The following TAF1 variants were observed in gnomAD, a reference collection of about 807,000 sequenced individuals.
TAF1 encodes the protein transcription initiation factor TFIID subunit 1.
A neutral mutation model predicts 138.5 loss-of-function variants in TAF1; 2 were observed. The ratio of observed to expected loss-of-function variants is 0.01; its 90% CI spans 0.01 to 0.05. TAF1 has a LOEUF of 0.05. Among genes scored for constraint, TAF1 ranks in the 10% least tolerant of loss-of-function variants. The probability of loss-of-function intolerance (pLI) is 1.00; values close to 1 mark genes in which losing one functional copy is unlikely to be tolerated. For missense variants in TAF1, 709 were observed against 1,478.0 expected, an observed-to-expected ratio of 0.48 and a Z score of 8.53; for synonymous variants, 437 against 503.2, an observed-to-expected ratio of 0.87 and a Z score of 1.76.
In TAF1 at chrX:71,366,954, C is replaced by T. The variant is rs750697390; in HGVS notation, c.120+460C>T. ...TAGGACAATGGGGTGTTCCTAGCAC[C>T]CGAGCGGGCCTCCTGGTCACAGTGC... On this transcript the variant is annotated intron_variant, in intron 1 of 37. Coordinates refer to ENST00000423759, the MANE Select transcript of TAF1 (RefSeq NM_004606.5). 3.4e-4 allele frequency among the ~76,000 whole-genome samples: 38 copies of T among 112,113 alleles called. 1 individual carries two copies. In the South Asian group the frequency reaches 4.0e-3, roughly 12 times the overall value.
intron 24 of TAF1, among the ~76,000 whole-genome samples, chrX:71,399,446 C>T (rs1358546091): frequency 4.8e-5 from 5 of 105,177 alleles, no homozygotes; most frequent in African/African-American, 7.0e-5. Context: ...TTAGTAGAGA[C>T]GAGGTTTCAC....
At chrX:71,508,066 TTCTCTC>T (rs369650229) in intron 13 of TAF1, among the ~76,000 whole-genome samples, 2 of 83,577 alleles carry the variant, frequency 2.4e-5, no homozygotes, top group Admixed American at 1.3e-4. Flanking sequence ...TATATGAATA[TTCTCTC>T]TCTCTCTCTC....
chrX:71,429,007 G>T (rs1425418186), intron 32 of TAF1, among the ~76,000 whole-genome samples: 1 of 111,781 alleles, frequency 8.9e-6, no homozygotes, highest in South Asian at 3.7e-4. Context: ...CGGGCGCGGT[G>T]GCTCACGCCT....
chrX:71,496,453 G>A (rs1245797534), intron 13 of TAF1, among the ~76,000 whole-genome samples: 4 of 111,885 alleles, frequency 3.6e-5, no homozygotes, highest in East Asian at 2.8e-4. Context: ...AGGGTACACC[G>A]TTTTTTCTTT....
intron 32 of TAF1, among the ~76,000 whole-genome samples, chrX:71,425,731 A>G (rs936002777): frequency 2.7e-5 from 3 of 111,224 alleles, no homozygotes; most frequent in Admixed American, 1.9e-4. Flanking sequence ...AGAGCAAGGA[A>G]TAACCTGAGA....
At chrX:71,429,911 A>G (rs1443834381) in intron 32 of TAF1, among the ~76,000 whole-genome samples, 2 of 111,611 alleles carry the variant, frequency 1.8e-5, no homozygotes, top group African/African-American at 6.5e-5. Context: ...ATAAATTAGT[A>G]CAAACGTTTT....
chrX:71,472,269 A>G (rs2038904002), intron 13 of TAF1, among the ~76,000 whole-genome samples: 1 of 112,232 alleles, frequency 8.9e-6, no homozygotes, highest in South Asian at 3.7e-4. Flanking sequence ...GAATTAATTT[A>G]TCCTTATTTA....
Position 71,367,990 on chromosome X carries a change from G to A in TAF1, c.236-64G>A, listed in dbSNP as rs983834716. On this transcript the variant is annotated intron_variant, in intron 2 of 37. Coordinates refer to ENST00000423759, the MANE Select transcript of TAF1 (RefSeq NM_004606.5). ...CCAGCCTGTACATGTACTTTTAAAT[G>A]GGAATTATCTGAGGGAGTGAGGGTC... is the stretch of plus-strand genomic sequence containing the variant. 5.4e-6 allele frequency: 6 copies of A among 1,101,320 alleles called. No individual in the cohort carries two copies. In the Admixed American group the frequency reaches 8.9e-5, roughly 16 times the overall value. 90.8% of individuals were successfully genotyped at this position (1,101,320 alleles called of 1,213,427 possible). A position where few individuals can be genotyped will look rare whatever the true frequency, so the allele number is the denominator to read the frequency against.
intron 13 of TAF1, among the ~76,000 whole-genome samples, chrX:71,518,696 T>TC (rs1379559928): frequency 2.2e-5 from 2 of 91,875 alleles, no homozygotes; most frequent in African/African-American, 8.0e-5. Context: ...TTCTTTCTTT[T>TC]TTTTTTTTTT....
chrX:71,506,207 A>C (rs1042818955), intron 13 of TAF1, among the ~76,000 whole-genome samples: 1 of 106,957 alleles, frequency 9.3e-6, no homozygotes, highest in Non-Finnish European at 1.9e-5. Context: ...TCTCAAAATA[A>C]ATAAATAAAT....
intron 32 of TAF1, among the ~76,000 whole-genome samples, chrX:71,437,433 G>T (rs919941127): frequency 9.1e-6 from 1 of 109,712 alleles, no homozygotes; most frequent in African/African-American, 3.3e-5. Context: ...TTCTGACCAG[G>T]CTTGGTGGCT....
At chrX:71,396,002 A>G (rs773114617) in intron 22 of TAF1, among the ~76,000 whole-genome samples, 5 of 109,900 alleles carry the variant, frequency 4.5e-5, no homozygotes, top group Non-Finnish European at 7.6e-5. Flanking sequence ...TACAAAAATT[A>G]GCCGGGCATG....
chrX:71,374,354 C>T (rs942879897), intron 3 of TAF1, among the ~76,000 whole-genome samples: 3 of 111,620 alleles, frequency 2.7e-5, no homozygotes, highest in African/African-American at 3.3e-5. Flanking sequence ...AGAGTGCTGG[C>T]GTGAGCCACC....
intron 32 of TAF1, among the ~76,000 whole-genome samples, chrX:71,453,465 A>C (rs1359145278): frequency 4.9e-5 from 5 of 102,384 alleles, no homozygotes; most frequent in Admixed American, 1.1e-4. Context: ...TCAGGGCTGC[A>C]GTGAGCCATG....
intron 13 of TAF1, among the ~76,000 whole-genome samples, chrX:71,499,217 G>A (rs2039451625): frequency 9.0e-6 from 1 of 111,510 alleles, no homozygotes; most frequent in Non-Finnish European, 1.9e-5. Context: ...CGGGTGATTG[G>A]CCTGCTCCAT....
chrX:71,399,388 C>T (rs922463613), intron 24 of TAF1, among the ~76,000 whole-genome samples: 6 of 102,607 alleles, frequency 5.8e-5, no homozygotes, highest in African/African-American at 2.2e-4. Flanking sequence ...TCTCGAATAG[C>T]TGGGATTACA....
chrX:71,445,580 G>A (rs1343669913), intron 32 of TAF1, among the ~76,000 whole-genome samples: 1 of 111,608 alleles, frequency 9.0e-6, no homozygotes, highest in African/African-American at 3.3e-5. Context: ...ATTTCTAGAA[G>A]TCTTACTATC....
intron 32 of TAF1, among the ~76,000 whole-genome samples, chrX:71,425,233 A>G (rs1041674928): frequency 9.0e-6 from 1 of 111,472 alleles, no homozygotes; most frequent in African/African-American, 3.3e-5. Context: ...GAGTTGATTG[A>G]ATAACATATG....
At chrX:71,413,280 G>A (rs1429622368) in intron 28 of TAF1, among the ~76,000 whole-genome samples, 1 of 111,745 alleles carries the variant, frequency 8.9e-6, no homozygotes, top group African/African-American at 3.3e-5. Context: ...TGCCAGAGCA[G>A]CTGCACCATT....
Sources: allele counts gnomAD v4.1 joint callset (sites outside exome capture counted in the v4.1 genomes callset), GRCh38; gene constraint gnomAD v4.1.1; transcripts MANE v1.5; gene names NCBI Gene and HGNC (gene_info 2026-07-23, HGNC 2026-07-21).